The following H6PD variants were observed in gnomAD, a reference collection of about 807,000 sequenced individuals.
H6PD encodes the protein GDH/6PGL endoplasmic bifunctional protein.
H6PD carries 48 observed loss-of-function variants against 61.2 expected under a neutral mutation model. That is an observed-to-expected ratio of 0.78 (90% CI 0.62 to 1.00). H6PD has a LOEUF of 1.00. Among genes scored for constraint, H6PD ranks in the 50% least tolerant of loss-of-function variants. H6PD has a pLI of 0.00. For missense variants in H6PD, 1,093 were observed against 1,065.0 expected (o/e 1.03, Z -0.37); for synonymous variants, 480 against 457.9 (o/e 1.05, Z -0.62).
rs9434737 is a variant in H6PD, at chr1:9,251,439, T to C, written c.745+4356T>C. ...TCCCCTCTGTGTAGAAGGCCTGCTG[T>C]TGTTGTTGTTGTTGTTGTTGTTGTT... On this transcript the variant is annotated intron_variant, in intron 3 of 4. Transcript: ENST00000377403. 4.3e-3 allele frequency among the ~76,000 whole-genome samples: 147 copies of C among 34,166 alleles called. 1 individual carries two copies. Among genetic ancestry groups the C allele is most frequent in the African/African-American group, 0.032 (117 of 3,672 alleles). The allele number at this position is 34,166 out of a possible 152,430, so 22.4% of individuals were successfully genotyped here. A position where few individuals can be genotyped will look rare whatever the true frequency, so the allele number is the denominator to read the frequency against.
At chr1:9,249,066 T>C (rs1269936876) in intron 3 of H6PD, among the ~76,000 whole-genome samples, 2 of 152,228 alleles carry the variant, frequency 1.3e-5, no homozygotes, top group Admixed American at 1.3e-4. Context: ...GCGCTTGCCC[T>C]TCTCTACCTG....
At position 9,265,016 on chromosome 1, in the gene H6PD, G is replaced by A. The variant is rs1638509233; in HGVS notation, c.*147G>A. On this transcript the variant is annotated 3_prime_UTR_variant, in exon 5 of 5. Coordinates refer to ENST00000377403, the MANE Select transcript of H6PD (RefSeq NM_004285.4). ...TCAGGCCCCAGAGAGGGCAGGACAAGCCTTGTCCCGATGCCTTTGACCGGC... is the reference window on the plus strand; with the variant it reads ...TCAGGCCCCAGAGAGGGCAGGACAAACCTTGTCCCGATGCCTTTGACCGGC... 7.2e-6 allele frequency: 6 copies of A among 832,646 alleles called. No homozygotes were observed. Among genetic ancestry groups the A allele is most frequent in the Non-Finnish European group, 1.2e-5 (6 of 507,628 alleles). The allele number at this position is 832,646 out of a possible 1,614,324, so 51.6% of individuals were successfully genotyped here. A position where few individuals can be genotyped will look rare whatever the true frequency, so the allele number is the denominator to read the frequency against.
intron 3 of H6PD, 73 bp from the exon 4 acceptor site, chr1:9,261,986 G>T: frequency 6.7e-7 from 1 of 1,483,108 alleles, no homozygotes. Flanking sequence ...CTGGGGTTTT[G>T]GTGCACCTCG....
chr1:9,246,615 G>A (rs1362674515), intron 2 of H6PD, among the ~76,000 whole-genome samples: 1 of 152,172 alleles, frequency 6.6e-6, no homozygotes, highest in Non-Finnish European at 1.5e-5. Context: ...GTTTTCACTT[G>A]TTTATGGCAA....
At position 9,267,400 on chromosome 1, in the gene H6PD, A is replaced by G. The variant is rs1354898319; in HGVS notation, c.*2531A>G. ...GGGTACCTGGCCCCAGCACTCTCCCATCTGTTCTTCAGGAACCGACTCCTC... is the reference window on the plus strand; with the variant it reads ...GGGTACCTGGCCCCAGCACTCTCCCGTCTGTTCTTCAGGAACCGACTCCTC... On this transcript the variant is annotated 3_prime_UTR_variant, in exon 5 of 5. Coordinates refer to ENST00000377403, the MANE Select transcript of H6PD (RefSeq NM_004285.4). The G allele has an allele frequency of 6.6e-6, 1 of 152,128 alleles. No individual in the cohort carries two copies. The highest frequency in any genetic ancestry group is 1.5e-5 in the Non-Finnish European group (1 of 68,092). The allele number at this position is 152,128 out of a possible 1,614,324, so 9.4% of individuals were successfully genotyped here. A position where few individuals can be genotyped will look rare whatever the true frequency, so the allele number is the denominator to read the frequency against.
At chr1:9,263,188 C>T (rs566675312) in intron 4 of H6PD, among the ~76,000 whole-genome samples, 149 of 152,300 alleles carry the variant, frequency 9.8e-4, no homozygotes, top group African/African-American at 3.4e-3. Flanking sequence ...CCCACTTGCC[C>T]CCACTGTGGG....
Position 9,246,993 on chromosome 1 carries a change from G to C in H6PD, c.655G>C (p.Asp219His), listed in dbSNP as rs767998950. The C allele has an allele frequency of 6.2e-7, 1 of 1,613,876 alleles. No homozygotes were observed. Among genetic ancestry groups the C allele is most frequent in the South Asian group, 1.1e-5 (1 of 91,068 alleles). ...QAVAQILPFR[D>H]QNRKALDGLW... is the part of the protein sequence containing the mutation. The stretch of plus-strand genomic sequence containing the variant: ...TGTGGCGCAGATCCTGCCTTTCCGA[G>C]ACCAGAACCGCAAGGCTTTGGACGG... Residue 219 changes from aspartate to histidine, a missense_variant, in exon 3 of 5, where the codon GAC becomes CAC. Asp to His is a moderately conservative substitution (Grantham distance 81, BLOSUM62 -1). Coordinates refer to ENST00000377403, the MANE Select transcript of H6PD (RefSeq NM_004285.4).
At chr1:9,249,390 G>C (rs1444718867) in intron 3 of H6PD, among the ~76,000 whole-genome samples, 1 of 152,180 alleles carries the variant, frequency 6.6e-6, no homozygotes, top group Non-Finnish European at 1.5e-5. Flanking sequence ...CTCTGGGCAG[G>C]TCTGTTTGCC....
At chr1:9,251,360 A>C (rs1000178816) in intron 3 of H6PD, among the ~76,000 whole-genome samples, 3 of 152,202 alleles carry the variant, frequency 2.0e-5, no homozygotes, top group Non-Finnish European at 2.9e-5. Context: ...GGCCCTCAGC[A>C]GTTGGCCTCC....
chr1:9,252,655 AACT>A (rs1307703753), intron 3 of H6PD, among the ~76,000 whole-genome samples: 4 of 152,272 alleles, frequency 2.6e-5, no homozygotes, highest in Non-Finnish European at 5.9e-5. Flanking sequence ...AAAGTTATGC[AACT>A]ACTATCTAAT....
chr1:9,246,652 A>C (rs1288685728), intron 2 of H6PD, among the ~76,000 whole-genome samples: 1 of 152,200 alleles, frequency 6.6e-6, no homozygotes, highest in Non-Finnish European at 1.5e-5. Context: ...GAATGTGCTC[A>C]ATTCAGAGCT....
chr1:9,235,273 C>T (rs1640820409), intron 1 of H6PD, among the ~76,000 whole-genome samples: 1 of 152,098 alleles, frequency 6.6e-6, no homozygotes. Flanking sequence ...CCCTGGGCTT[C>T]CCGGAACTGA....
rs1308650281 is a variant in H6PD at position 9,266,859 on chromosome 1, C to T, written c.*1990C>T. ...TTTTTTTTTGAGACAGAGTCTCTGT[C>T]GCCCAGGCTGGAGCCCAGTGGCGAG... is the stretch of plus-strand genomic sequence containing the variant. On this transcript the variant is annotated 3_prime_UTR_variant, in exon 5 of 5. Coordinates refer to ENST00000377403, the MANE Select transcript of H6PD (RefSeq NM_004285.4). The T allele has an allele frequency of 1.3e-5, 2 of 151,858 alleles. No homozygotes were observed. The highest frequency in any genetic ancestry group is 2.4e-5 in the African/African-American group (1 of 41,328). The allele number at this position is 151,858 out of a possible 1,614,324, so 9.4% of individuals were successfully genotyped here. A position where few individuals can be genotyped will look rare whatever the true frequency, so the allele number is the denominator to read the frequency against.
At chr1:9,237,564 C>G (rs1375750662) in intron 1 of H6PD, among the ~76,000 whole-genome samples, 2 of 152,160 alleles carry the variant, frequency 1.3e-5, no homozygotes, top group African/African-American at 4.8e-5. Context: ...CCTTAGTTTC[C>G]TCTCTACTCC....
chr1:9,247,147 C>G, intron 3 of H6PD, 64 bp downstream of exon 3: 1 of 1,098,304 alleles, frequency 9.1e-7, no homozygotes, highest in Non-Finnish European at 1.4e-6. Flanking sequence ...TGCGGTGAGG[C>G]ATGGGGCGCT....
intron 3 of H6PD, among the ~76,000 whole-genome samples, chr1:9,260,774 C>T (rs1263821765): frequency 1.3e-5 from 2 of 152,068 alleles, no homozygotes; most frequent in Non-Finnish European, 2.9e-5. Context: ...TCCATGTTCT[C>T]CAGGTGTTCT....
In H6PD at chr1:9,268,980, T is replaced by A. The variant is rs1156359077; in HGVS notation, c.*4111T>A. ...CAGCCTCACAGAAGCAGCCTCTGCCTCCACTTTACCAGCTACGTTTTTATC... is the reference window on the plus strand; with the variant it reads ...CAGCCTCACAGAAGCAGCCTCTGCCACCACTTTACCAGCTACGTTTTTATC... On this transcript the variant is annotated 3_prime_UTR_variant, in exon 5 of 5. Transcript: ENST00000377403. 1.3e-5 allele frequency: 2 copies of A among 152,118 alleles called. No homozygotes were observed. The highest frequency in any genetic ancestry group is 3.8e-4 in the East Asian group (2 of 5,200). The allele number at this position is 152,118 out of a possible 1,614,324, so 9.4% of individuals were successfully genotyped here. A position where few individuals can be genotyped will look rare whatever the true frequency, so the allele number is the denominator to read the frequency against.
intron 1 of H6PD, among the ~76,000 whole-genome samples, chr1:9,236,524 G>A (rs1466315427): frequency 2.0e-5 from 3 of 152,178 alleles, no homozygotes; most frequent in Non-Finnish European, 4.4e-5. Flanking sequence ...GGGCATGGGG[G>A]CAGCGGATGC....
chr1:9,239,599 A>G (rs1640939543), intron 1 of H6PD, among the ~76,000 whole-genome samples: 1 of 152,212 alleles, frequency 6.6e-6, no homozygotes, highest in African/African-American at 2.4e-5. Flanking sequence ...CTTGTGCTTT[A>G]GTTTCAAATG....
Sources: allele counts gnomAD v4.1 joint callset (sites outside exome capture counted in the v4.1 genomes callset), GRCh38; gene constraint gnomAD v4.1.1; transcripts MANE v1.5; gene names NCBI Gene and HGNC (gene_info 2026-07-23, HGNC 2026-07-21).